GPD2: variants seen among roughly 807,000 people sequenced by gnomAD.
GPD2 encodes the protein glycerol-3-phosphate dehydrogenase 2.
Under a neutral mutation model 82.4 loss-of-function variants are expected in GPD2, and 54 were observed. The observed-to-expected ratio is 0.66, with a 90% CI of 0.53 to 0.82. GPD2 has a LOEUF of 0.82. Among genes scored for constraint, GPD2 ranks in the 40% least tolerant of loss-of-function variants. The probability of loss-of-function intolerance (pLI) is 0.00; values close to 1 mark genes in which losing one functional copy is unlikely to be tolerated. For missense variants in GPD2, 748 were observed against 896.2 expected, an observed-to-expected ratio of 0.83 and a Z score of 2.11; for synonymous variants, 288 against 306.1, an observed-to-expected ratio of 0.94 and a Z score of 0.62.
chr2:156,419,973 C>T, the GPD2 span, among the ~76,000 whole-genome samples: 1 of 152,118 alleles, frequency 6.6e-6, no homozygotes, highest in Non-Finnish European at 1.5e-5. Context: ...TTGTAGAATA[C>T]ACAAATGTCA....
chr2:156,479,542 A>G (rs774290358), intron 2 of GPD2, among the ~76,000 whole-genome samples: 1 of 152,230 alleles, frequency 6.6e-6, no homozygotes, highest in African/African-American at 2.4e-5. Flanking sequence ...GAAACAGGTC[A>G]GATTTAGAAG....
chr2:156,405,326 C>T, the GPD2 span, among the ~76,000 whole-genome samples: 3 of 152,068 alleles, frequency 2.0e-5, no homozygotes, highest in East Asian at 5.8e-4. Flanking sequence ...GAGGTGCCTG[C>T]TAGGTGGTTA....
intron 1 of GPD2, among the ~76,000 whole-genome samples, chr2:156,466,645 A>AT (rs1328053120): frequency 6.6e-6 from 1 of 152,100 alleles, no homozygotes; most frequent in Non-Finnish European, 1.5e-5. Context: ...CTTTCAATGC[A>AT]TTTTTTGTTT....
At chr2:156,563,112 A>T (rs1482902082) in intron 9 of GPD2, among the ~76,000 whole-genome samples, 1 of 152,198 alleles carries the variant, frequency 6.6e-6, no homozygotes, top group Non-Finnish European at 1.5e-5. Context: ...AGAAACCTAC[A>T]TGAAGCCTAG....
At chr2:156,536,230 T>C (rs1358375410) in intron 6 of GPD2, among the ~76,000 whole-genome samples, 1 of 152,244 alleles carries the variant, frequency 6.6e-6, no homozygotes, top group East Asian at 1.9e-4. Context: ...TGTGTAGTGC[T>C]CCTCAGAAGT....
intron 3 of GPD2, among the ~76,000 whole-genome samples, chr2:156,509,780 T>TTTTTA (rs1486162452): frequency 6.8e-6 from 1 of 146,240 alleles, no homozygotes; most frequent in Non-Finnish European, 1.5e-5. Context: ...TTTTTTTTTT[T>TTTTTA]TTTTATTTCC....
At chr2:156,467,869 C>T (rs1235306300) in intron 1 of GPD2, among the ~76,000 whole-genome samples, 1 of 152,048 alleles carries the variant, frequency 6.6e-6, no homozygotes, top group Non-Finnish European at 1.5e-5. Flanking sequence ...CTTGAGGGCT[C>T]TCTGTGTGTT....
Position 156,488,092 on chromosome 2 carries a change from T to G in GPD2, c.103-7952T>G, listed in dbSNP as rs558548875. Reference sequence around the variant, plus strand: ...CCAGAAGGATGGGCTCCTTTTTTTTTCTTTTGTGTGGACCCCAGTGGAGAT... The same window carrying G: ...CCAGAAGGATGGGCTCCTTTTTTTTGCTTTTGTGTGGACCCCAGTGGAGAT... On this transcript the variant is annotated intron_variant, in intron 2 of 16. Transcript: ENST00000438166. Among the ~76,000 whole-genome samples the G allele has an allele frequency of 2.0e-5, 3 of 152,308 alleles. No homozygotes were observed. In the East Asian group the frequency reaches 5.8e-4, roughly 29 times the overall value.
chr2:156,517,100 G>T (rs526540), intron 6 of GPD2, among the ~76,000 whole-genome samples: 106,532 of 152,074 alleles, frequency 0.7, 37,482 homozygotes, highest in Middle Eastern at 0.82. Context: ...AGGTAATAAA[G>T]AAGTTCCATG....
At chr2:156,428,768 T>A in the GPD2 span, among the ~76,000 whole-genome samples, 3 of 152,350 alleles carry the variant, frequency 2.0e-5, no homozygotes, top group African/African-American at 7.2e-5. Flanking sequence ...AAAATGAACT[T>A]TAATTTGTAA....
chr2:156,455,781 C>G (rs1682771034), intron 1 of GPD2, among the ~76,000 whole-genome samples: 1 of 152,034 alleles, frequency 6.6e-6, no homozygotes, highest in African/African-American at 2.4e-5. Context: ...ATGCTTCTCT[C>G]TAAGCCATTA....
the GPD2 span, among the ~76,000 whole-genome samples, chr2:156,401,272 TTC>T: frequency 6.6e-6 from 1 of 152,234 alleles, no homozygotes; most frequent in Non-Finnish European, 1.5e-5. Context: ...ACCCTGGTAA[TTC>T]TCTAAACAAT....
chr2:156,536,170 A>G (rs1686071342), intron 6 of GPD2, among the ~76,000 whole-genome samples: 1 of 152,216 alleles, frequency 6.6e-6, no homozygotes, highest in East Asian at 1.9e-4. Context: ...CCTTTTAATG[A>G]ACATACGGTC....
In GPD2 at chr2:156,579,127, G is replaced by C; in HGVS notation, c.1922G>C (p.Gly641Ala). The C allele has an allele frequency of 2.5e-6, 4 of 1,608,752 alleles. No individual in the cohort carries two copies. Among genetic ancestry groups the C allele is most frequent in the Non-Finnish European group, 3.4e-6 (4 of 1,175,566 alleles). ...RFHKFDADQK[G>A]FITIVDVQRV... ...CATAAGTTTGATGCAGACCAGAAAG[G>C]CTTTATTACCATTGTTGATGTTCAG... The change falls in exon 15 of 17, where the codon GGC becomes GCC. Residue 641 changes from glycine (G) to alanine (A), a missense_variant. Transcript: ENST00000438166.
chr2:156,502,220 G>T (rs867444688), intron 3 of GPD2, among the ~76,000 whole-genome samples: 2 of 151,978 alleles, frequency 1.3e-5, no homozygotes, highest in African/African-American at 4.8e-5. Context: ...TTAGAAGCAG[G>T]TATATGTAAA....
intron 2 of GPD2, chr2:156,495,748 T>C: frequency 2.4e-6 from 1 of 410,348 alleles, no homozygotes; most frequent in Non-Finnish European, 4.8e-6. Context: ...TATTTGGGAA[T>C]TGCTATACAG....
At chr2:156,481,120 T>C (rs1019498507) in intron 2 of GPD2, among the ~76,000 whole-genome samples, 1 of 152,048 alleles carries the variant, frequency 6.6e-6, no homozygotes, top group African/African-American at 2.4e-5. Context: ...TACTTTTCTT[T>C]TTTGAGGTAT....
chr2:156,512,213 CT>C lies in GPD2; in HGVS notation c.400-4del. The C allele has an allele frequency of 2.7e-6, 4 of 1,469,096 alleles. No homozygotes were observed. The highest frequency in any genetic ancestry group is 3.8e-6 in the Non-Finnish European group (4 of 1,047,584). 91.0% of individuals were successfully genotyped at this position (1,469,096 alleles called of 1,614,324 possible). ...GCCAAACTAATTTTCTCTGTTTTGC[CT>C]TTCAGTATAGGATGGTAAAAGAAGC... On this transcript the variant is annotated splice_polypyrimidine_tract_variant and splice_region_variant and intron_variant, in intron 4 of 16. Transcript: ENST00000438166.
At chr2:156,435,386 GTC>G (rs1323515429), upstream of GPD2, 1 of 151,894 alleles carries the variant, frequency 6.6e-6, no homozygotes, top group Non-Finnish European at 1.5e-5. Context: ...CCTTGGGCTT[GTC>G]TAGCCCTAGG....
Sources: allele counts gnomAD v4.1 joint callset (sites outside exome capture counted in the v4.1 genomes callset), GRCh38; gene constraint gnomAD v4.1.1; transcripts MANE v1.5; gene names NCBI Gene and HGNC (gene_info 2026-07-23, HGNC 2026-07-21).